NXPH1: variants seen among roughly 807,000 people sequenced by gnomAD.
NXPH1 encodes the protein neurexophilin 1, also known as neurexophilin-1.
Under a neutral mutation model 23.7 loss-of-function variants are expected in NXPH1, and 5 were observed. The observed-to-expected ratio is 0.21, with a 90% CI of 0.11 to 0.44. The LOEUF is 0.44. NXPH1 is among the 20% of genes least tolerant of loss of function. The pLI is 0.99. For synonymous variants in NXPH1, 144 were observed against 122.2 expected, an observed-to-expected ratio of 1.18 and a Z score of -1.18; for missense variants, 324 against 321.6, an observed-to-expected ratio of 1.01 and a Z score of -0.06.
chr7:8,515,796 G>A (rs1164864262), intron 2 of NXPH1, among the ~76,000 whole-genome samples: 1 of 152,058 alleles, frequency 6.6e-6, no homozygotes. Context: ...ACTCACATGT[G>A]GAACATGAAT....
At chr7:8,438,801 G>T (rs1323585033) in intron 2 of NXPH1, among the ~76,000 whole-genome samples, 1 of 152,162 alleles carries the variant, frequency 6.6e-6, no homozygotes, top group Non-Finnish European at 1.5e-5. Context: ...CTGGGCCCGG[G>T]ATTCTTTGAA....
At chr7:8,686,608 G>C (rs1821148994) in intron 2 of NXPH1, among the ~76,000 whole-genome samples, 1 of 152,220 alleles carries the variant, frequency 6.6e-6, no homozygotes, top group African/African-American at 2.4e-5. Flanking sequence ...CTCCTGTTCT[G>C]ATATGTAATG....
At chr7:8,594,687 G>T (rs1215216653) in intron 2 of NXPH1, among the ~76,000 whole-genome samples, 1 of 151,902 alleles carries the variant, frequency 6.6e-6, no homozygotes, top group East Asian at 1.9e-4. Context: ...ACCTTCTCAA[G>T]GGAGCCTTGG....
At chr7:8,533,965 C>T (rs888798028) in intron 2 of NXPH1, among the ~76,000 whole-genome samples, 2 of 152,028 alleles carry the variant, frequency 1.3e-5, no homozygotes, top group Admixed American at 6.6e-5. Flanking sequence ...GACTAAGCCC[C>T]AGAATAAACA....
intron 2 of NXPH1, among the ~76,000 whole-genome samples, chr7:8,662,405 A>C (rs1177943446): frequency 1.2e-5 from 1 of 86,618 alleles, no homozygotes; most frequent in Non-Finnish European, 3.0e-5. Context: ...CCCTTAAACT[A>C]TGGGGATAAG....
chr7:8,720,858 A>G (rs1366513523), intron 2 of NXPH1, among the ~76,000 whole-genome samples: 2 of 152,224 alleles, frequency 1.3e-5, no homozygotes, highest in Non-Finnish European at 2.9e-5. Context: ...AATGATTTGC[A>G]GTGCACATCA....
intron 2 of NXPH1, among the ~76,000 whole-genome samples, chr7:8,448,159 T>A (rs1816437874): frequency 6.6e-6 from 1 of 152,198 alleles, no homozygotes; most frequent in South Asian, 2.1e-4. Flanking sequence ...ACTTCTCAAA[T>A]CCTCAATTTC....
intron 2 of NXPH1, among the ~76,000 whole-genome samples, chr7:8,680,769 C>G (rs533897642): frequency 5.3e-5 from 8 of 152,272 alleles, no homozygotes; most frequent in African/African-American, 1.9e-4. Context: ...CCTGGAGCTG[C>G]CAGTGCTAAT....
intron 2 of NXPH1, among the ~76,000 whole-genome samples, chr7:8,441,572 A>T (rs1262746444): frequency 6.6e-6 from 1 of 152,170 alleles, no homozygotes; most frequent in Non-Finnish European, 1.5e-5. Context: ...GTTTAATGAA[A>T]GTGCTCCCCA....
chr7:8,602,888 G>A (rs538034400), intron 2 of NXPH1, among the ~76,000 whole-genome samples: 2 of 152,202 alleles, frequency 1.3e-5, no homozygotes, highest in African/African-American at 2.4e-5. Flanking sequence ...GAGTGCAGTG[G>A]CACAAATTTG....
intron 2 of NXPH1, among the ~76,000 whole-genome samples, chr7:8,726,264 C>A (rs750428682): frequency 6.7e-6 from 1 of 149,424 alleles, no homozygotes; most frequent in Non-Finnish European, 1.5e-5. Context: ...AATCCTTCCT[C>A]GTTTGCTTCT....
chr7:8,650,381 G>A (rs1323426616), intron 2 of NXPH1, among the ~76,000 whole-genome samples: 1 of 152,134 alleles, frequency 6.6e-6, no homozygotes, highest in Non-Finnish European at 1.5e-5. Context: ...TTTACCTTAT[G>A]TGATTTTTAT....
chr7:8,546,464 A>T (rs986761347), intron 2 of NXPH1, among the ~76,000 whole-genome samples: 2 of 151,212 alleles, frequency 1.3e-5, no homozygotes, highest in African/African-American at 4.9e-5. Flanking sequence ...TCACACTGCA[A>T]TCTATGGACT....
intron 2 of NXPH1, among the ~76,000 whole-genome samples, chr7:8,565,206 T>A (rs1379487084): frequency 2.0e-5 from 3 of 151,838 alleles, no homozygotes; most frequent in Admixed American, 1.3e-4. Context: ...CAGCCCACTG[T>A]CACTCTGGGT....
intron 2 of NXPH1, among the ~76,000 whole-genome samples, chr7:8,483,566 C>T (rs935255252): frequency 6.6e-6 from 1 of 152,122 alleles, no homozygotes; most frequent in Non-Finnish European, 1.5e-5. Context: ...AGCTCAGCCT[C>T]CCAAACGGCT....
chr7:8,520,042 A>AAT (rs985162386), intron 2 of NXPH1, among the ~76,000 whole-genome samples: 3 of 152,088 alleles, frequency 2.0e-5, no homozygotes, highest in Non-Finnish European at 4.4e-5. Flanking sequence ...GATGATGCAT[A>AAT]ATATATATAT....
chr7:8,674,204 C>CT (rs1403622014), intron 2 of NXPH1, among the ~76,000 whole-genome samples: 1 of 66,804 alleles, frequency 1.5e-5, no homozygotes, highest in African/African-American at 3.9e-5. Flanking sequence ...CACACACACA[C>CT]CTATGCAATT....
intron 2 of NXPH1, among the ~76,000 whole-genome samples, chr7:8,488,170 T>C (rs1817189698): frequency 6.6e-6 from 1 of 152,128 alleles, no homozygotes; most frequent in South Asian, 2.1e-4. Flanking sequence ...ATGGAAAGCA[T>C]TATCCTACAG....
At chr7:8,660,808 G>A (rs1416995657) in intron 2 of NXPH1, among the ~76,000 whole-genome samples, 1 of 151,962 alleles carries the variant, frequency 6.6e-6, no homozygotes, top group African/African-American at 2.4e-5. Flanking sequence ...CAAGTTTAAG[G>A]TTACTCTAGA....
Sources: allele counts gnomAD v4.1 joint callset (sites outside exome capture counted in the v4.1 genomes callset), GRCh38; gene constraint gnomAD v4.1.1; transcripts MANE v1.5; gene names NCBI Gene and HGNC (gene_info 2026-07-23, HGNC 2026-07-21).